The following TMEM132D variants were observed in gnomAD, a reference collection of about 807,000 sequenced individuals.
TMEM132D encodes the protein mature OL transmembrane protein.
Under a neutral mutation model 62.3 loss-of-function variants are expected in TMEM132D, and 21 were observed. That is an observed-to-expected ratio of 0.34 (90% CI 0.24 to 0.49). The LOEUF is 0.49. TMEM132D is among the 20% of genes least tolerant of loss of function. The probability of loss-of-function intolerance (pLI) is 0.99; values close to 1 mark genes in which losing one functional copy is unlikely to be tolerated. For synonymous variants in TMEM132D, 621 were observed against 575.6 expected (o/e 1.08, Z -1.13); for missense variants, 1,346 against 1,402.8 (o/e 0.96, Z 0.65).
chr12:129,578,564 G>T (rs1171608414), intron 2 of TMEM132D, among the ~76,000 whole-genome samples: 1 of 151,862 alleles, frequency 6.6e-6, no homozygotes, highest in East Asian at 1.9e-4. Flanking sequence ...TAAATGAAGA[G>T]ATTTATTATG....
intron 2 of TMEM132D, among the ~76,000 whole-genome samples, chr12:129,662,380 C>T (rs1050757666): frequency 7.9e-5 from 12 of 152,152 alleles, no homozygotes; most frequent in African/African-American, 2.2e-4. Context: ...GAAGGAGTGG[C>T]GAGGTTCAAG....
intron 4 of TMEM132D, among the ~76,000 whole-genome samples, chr12:129,245,304 C>T (rs1880066304): frequency 6.6e-6 from 1 of 152,198 alleles, no homozygotes; most frequent in Admixed American, 6.5e-5. Flanking sequence ...TGGATCAATA[C>T]AGTGTGTAGC....
At chr12:129,820,748 A>G (rs1039968413) in intron 1 of TMEM132D, among the ~76,000 whole-genome samples, 10 of 152,164 alleles carry the variant, frequency 6.6e-5, no homozygotes, top group African/African-American at 2.4e-4. Flanking sequence ...CTGTTCCTCA[A>G]ATTTTATTTT....
intron 1 of TMEM132D, among the ~76,000 whole-genome samples, chr12:129,821,290 G>C (rs1266195156): frequency 6.6e-6 from 1 of 152,212 alleles, no homozygotes; most frequent in East Asian, 1.9e-4. Flanking sequence ...ATTTCCTGGA[G>C]AATTCCACGG....
In TMEM132D at chr12:129,277,244, T is replaced by A. The variant is rs773409543; in HGVS notation, c.1299+60390A>T. 2.0e-5 allele frequency among the ~76,000 whole-genome samples: 3 copies of A among 152,208 alleles called. No homozygotes were observed. The highest frequency in any genetic ancestry group is 4.4e-5 in the Non-Finnish European group (3 of 68,032). The stretch of plus-strand genomic sequence containing the variant: ...CACTAAAGATATTTGTGCTTGTGTG[T>A]CTGAGTCTCTTTAGAAGAAGAGATG... On this transcript the variant is annotated intron_variant, in intron 4 of 8. Transcript: ENST00000422113. This position sits in a 1 kb window ranked among gnomAD's most constrained non-coding sequence, Gnocchi z 4.2.
intron 1 of TMEM132D, among the ~76,000 whole-genome samples, chr12:129,747,756 CAG>C (rs1869855496): frequency 1.3e-5 from 2 of 150,336 alleles, no homozygotes; most frequent in African/African-American, 4.9e-5. Context: ...CACACACATC[CAG>C]ACACACACAC....
Position 129,513,508 on chromosome 12 carries a change from A to G in TMEM132D, c.1115+17551T>C, listed in dbSNP as rs189501063. Among the ~76,000 whole-genome samples, 543 of 152,102 alleles carry G rather than the reference A, an allele frequency of 3.6e-3. 4 individuals carry two copies. Among genetic ancestry groups the G allele is most frequent in the Admixed American group, 4.7e-3 (71 of 15,268 alleles). On this transcript the variant is annotated intron_variant, in intron 3 of 8. Transcript: ENST00000422113. ...TTGTTTGTTTGTTTGTTTTTGAGACAGAGTCTCACTCTGTCGCCCGGGCTG... is the reference window on the plus strand; with the variant it reads ...TTGTTTGTTTGTTTGTTTTTGAGACGGAGTCTCACTCTGTCGCCCGGGCTG...
At chr12:129,201,823 G>A (rs964973187) in intron 5 of TMEM132D, among the ~76,000 whole-genome samples, 3 of 152,144 alleles carry the variant, frequency 2.0e-5, no homozygotes, top group Admixed American at 6.5e-5. Context: ...GGGATGTTCC[G>A]GTGATATATT....
chr12:129,114,509 T>A (rs1006404120), intron 5 of TMEM132D, among the ~76,000 whole-genome samples: 10 of 152,026 alleles, frequency 6.6e-5, no homozygotes, highest in South Asian at 2.1e-4. Context: ...AAAAAACTTT[T>A]AATTTATCCT....
chr12:129,775,784 A>G (rs1250899999), intron 1 of TMEM132D, among the ~76,000 whole-genome samples: 1 of 152,230 alleles, frequency 6.6e-6, no homozygotes, highest in Non-Finnish European at 1.5e-5. Context: ...TACAGGCATT[A>G]AATTTGTTGC....
At chr12:129,347,864 GA>G (rs1461635825) in intron 3 of TMEM132D, among the ~76,000 whole-genome samples, 2 of 151,788 alleles carry the variant, frequency 1.3e-5, no homozygotes, top group South Asian at 2.1e-4. Context: ...AAATTTACAA[GA>G]AAAAAACAAC....
At chr12:129,882,568 A>G (rs1874630354) in intron 1 of TMEM132D, among the ~76,000 whole-genome samples, 1 of 152,172 alleles carries the variant, frequency 6.6e-6, no homozygotes, top group Admixed American at 6.6e-5. Flanking sequence ...TAACAATAAT[A>G]CATAGTTTAA....
chr12:129,764,578 T>C (rs750167730), intron 1 of TMEM132D, among the ~76,000 whole-genome samples: 5 of 99,456 alleles, frequency 5.0e-5, no homozygotes, highest in Non-Finnish European at 1.0e-4. Context: ...GCATGTGTAT[T>C]TGTATGTGTG....
At chr12:129,747,387 T>G (rs1245406027) in intron 1 of TMEM132D, among the ~76,000 whole-genome samples, 2 of 151,572 alleles carry the variant, frequency 1.3e-5, no homozygotes, top group African/African-American at 4.9e-5. Flanking sequence ...ATTTGAAAGC[T>G]CCACACACAC....
At chr12:129,807,351 T>C (rs1180295364) in intron 1 of TMEM132D, among the ~76,000 whole-genome samples, 1 of 152,166 alleles carries the variant, frequency 6.6e-6, no homozygotes, top group African/African-American at 2.4e-5. Flanking sequence ...TTTGTGACAC[T>C]GGCCATCAAT....
At chr12:129,243,546 T>G (rs1380311284) in intron 4 of TMEM132D, among the ~76,000 whole-genome samples, 1 of 151,824 alleles carries the variant, frequency 6.6e-6, no homozygotes, top group African/African-American at 2.4e-5. Flanking sequence ...GTAAACAATA[T>G]TTTTTTTGCA....
intron 1 of TMEM132D, among the ~76,000 whole-genome samples, chr12:129,821,509 A>G (rs898020918): frequency 1.2e-4 from 18 of 152,324 alleles, no homozygotes; most frequent in African/African-American, 3.8e-4. Context: ...GGGTCTGCAC[A>G]TCGGTTGCCT....
chr12:129,773,904 A>G (rs975307447), intron 1 of TMEM132D, among the ~76,000 whole-genome samples: 7 of 152,170 alleles, frequency 4.6e-5, no homozygotes, highest in Non-Finnish European at 5.9e-5. Context: ...TTTCTCATCC[A>G]TTAAATGAGA....
intron 4 of TMEM132D, among the ~76,000 whole-genome samples, chr12:129,214,507 G>C (rs1021245439): frequency 2.0e-5 from 3 of 152,094 alleles, no homozygotes; most frequent in African/African-American, 7.2e-5. Context: ...CTTTCTTTCT[G>C]ACAAAACCCC....
Sources: gnomAD v4.1 joint callset for allele counts (sites outside exome capture counted in the v4.1 genomes callset) on GRCh38, gnomAD v4.1.1 for gene constraint, Gnocchi (gnomAD v3.1) non-coding constraint, MANE v1.5 for transcripts, NCBI Gene and HGNC (gene_info 2026-07-23, HGNC 2026-07-21) for gene names.